Variants in MPP4 observed in about 807,000 individuals in gnomAD.
MPP4 encodes the protein MAGUK p55 scaffold protein 4, also known as MAGUK p55 subfamily member 4.
Under a neutral mutation model 98.3 loss-of-function variants are expected in MPP4, and 91 were observed. The ratio of observed to expected loss-of-function variants is 0.93; its 90% confidence interval spans 0.78 to 1.10. MPP4 has a LOEUF of 1.10. MPP4 is among the 50% of genes least tolerant of loss of function. The probability of loss-of-function intolerance (pLI) is 0.00; values close to 1 mark genes in which losing one functional copy is unlikely to be tolerated. For missense variants in MPP4, 744 were observed against 792.9 expected (o/e 0.94, Z 0.74); for synonymous variants, 261 against 271.8 (o/e 0.96, Z 0.39).
intron 16 of MPP4, among the ~76,000 whole-genome samples, chr2:201,657,969 G>GTTTTTT (rs1234609914): frequency 7.7e-6 from 1 of 130,130 alleles, no homozygotes; most frequent in African/African-American, 2.8e-5. Flanking sequence ...TTTTTTTTTT[G>GTTTTTT]TTTTTTTTTT....
intron 21 of MPP4, chr2:201,646,674 GAAAATA>G (rs1272453781): frequency 2.0e-5 from 3 of 152,126 alleles, no homozygotes; most frequent in Non-Finnish European, 4.4e-5. Context: ...CAAAAAATAT[GAAAATA>G]AAAATAATAA....
intron 10 of MPP4, among the ~76,000 whole-genome samples, chr2:201,678,422 T>C (rs1262535142): frequency 1.3e-5 from 2 of 152,136 alleles, no homozygotes; most frequent in African/African-American, 2.4e-5. Context: ...CTCAGCCTCT[T>C]CTTTGAGCCC....
intron 18 of MPP4, chr2:201,651,916 G>T: frequency 3.2e-6 from 2 of 625,710 alleles, no homozygotes; most frequent in Non-Finnish European, 4.0e-6. Context: ...TAACACCACG[G>T]CACTCCAGCC....
At position 201,649,669 on chromosome 2, in the gene MPP4, A is replaced by G. The variant is rs780544085; in HGVS notation, c.1491T>C (p.Gly497=). ...TGCCATACAGGTGGCCTTTGTACTC[A>G]CCATACTCCAGCATCCTGCAAGAGC... is the stretch of plus-strand genomic sequence containing the variant. The part of the protein sequence containing the change: ...LIYSHRMLEY[G]EYKGHLYGTS... Residue 497 remains glycine (G), a synonymous_variant, in exon 20 of 22, where the codon GGT becomes GGC. Coordinates refer to ENST00000409474, the MANE Select transcript of MPP4 (RefSeq NM_033066.3). 1.2e-6 allele frequency: 2 copies of G among 1,609,602 alleles called. No individual in the cohort carries two copies. The highest frequency in any genetic ancestry group is 1.1e-5 in the South Asian group (1 of 89,702).
intron 20 of MPP4, 79 bp downstream of exon 20, chr2:201,649,497 A>C: frequency 3.9e-6 from 4 of 1,015,370 alleles, no homozygotes; most frequent in Non-Finnish European, 6.0e-6. Flanking sequence ...TGTCTCAACT[A>C]TAACCTACAG....
At chr2:201,648,009 C>T (rs983014436) in intron 20 of MPP4, among the ~76,000 whole-genome samples, 184 bp from the exon 21 acceptor site, 9 of 152,124 alleles carry the variant, frequency 5.9e-5, no homozygotes, top group Non-Finnish European at 1.2e-4. Flanking sequence ...GCATGTGCCA[C>T]CATGCCCAGC....
At chr2:201,661,059 T>C (rs1688011649) in intron 14 of MPP4, among the ~76,000 whole-genome samples, 1 of 152,050 alleles carries the variant, frequency 6.6e-6, no homozygotes. Context: ...TAGCTGGGAT[T>C]ATAGGCATGA....
chr2:201,674,642 A>G (rs1373700598), intron 11 of MPP4, among the ~76,000 whole-genome samples: 1 of 152,168 alleles, frequency 6.6e-6, no homozygotes, highest in Admixed American at 6.5e-5. Flanking sequence ...TTTGAGAGAC[A>G]TTTTATTTAT....
intron 1 of MPP4, among the ~76,000 whole-genome samples, chr2:201,697,021 G>A (rs2105954636): frequency 6.6e-6 from 1 of 152,274 alleles, no homozygotes; most frequent in East Asian, 1.9e-4. Flanking sequence ...GCCTTTGGGA[G>A]GTAACTGGGT....
chr2:201,655,128 C>A (rs768272003), intron 17 of MPP4, among the ~76,000 whole-genome samples: 7 of 152,206 alleles, frequency 4.6e-5, no homozygotes, highest in Non-Finnish European at 8.8e-5. Flanking sequence ...ATTGTTTCAA[C>A]ATTCAGGAAT....
In MPP4 at chr2:201,658,482, A is replaced by C; in HGVS notation, c.1124T>G (p.Phe375Cys). The change falls in exon 16 of 22, where the codon TTT (phenylalanine) becomes TGT (cysteine). Residue 375 changes from phenylalanine to cysteine, a missense_variant. Phe to Cys is a radical substitution (Grantham distance 205, BLOSUM62 -2). Transcript: ENST00000409474. ...EEFVGYGQKFFIAGFRRSMRL... is the reference protein window; with the variant it reads ...EEFVGYGQKFCIAGFRRSMRL... ...CTTGTTAATTTATCACCTACCTATA[A>C]AGAACTTCTGACCGTAGCCAACAAA... 5 of 1,613,020 alleles carry C rather than the reference A, an allele frequency of 3.1e-6. No individual in the cohort carries two copies. Among genetic ancestry groups the C allele is most frequent in the Non-Finnish European group, 4.2e-6 (5 of 1,179,478 alleles).
chr2:201,649,730 ATAT>A (rs764716250), intron 19 of MPP4, 46 bp from the exon 20 acceptor site: 4 of 1,296,466 alleles, frequency 3.1e-6, no homozygotes, highest in African/African-American at 1.5e-5. Context: ...TACAAGGAAA[ATAT>A]TATTAGTAGT....
Position 201,693,863 on chromosome 2 carries a change from T to C in MPP4, c.79+13A>G. ...ACTTTCTGGTCTAGAAAAGGAGTCC[T>C]GGTGACACATACCATTCTGTGGATT... On this transcript the variant is annotated intron_variant, in intron 2 of 21. Coordinates refer to ENST00000409474, the MANE Select transcript of MPP4 (RefSeq NM_033066.3). The C allele has an allele frequency of 1.2e-6, 2 of 1,613,978 alleles. No homozygotes were observed. Among genetic ancestry groups the C allele is most frequent in the South Asian group, 2.2e-5 (2 of 91,080 alleles).
rs114454803 is a variant in MPP4 at position 201,658,374 on chromosome 2, C to T, written c.1129+103G>A. The T allele has an allele frequency of 1.2e-3, 1,064 of 916,098 alleles. 8 individuals are homozygous for T. The African/African-American group carries it at 0.016, about 13-fold the overall frequency. 56.7% of individuals were successfully genotyped at this position (916,098 alleles called of 1,614,324 possible). On this transcript the variant is annotated intron_variant, in intron 16 of 21. Transcript: ENST00000409474. ...AAGGAAACTAGAATGAGGAACAGGTCTGGAAATGTTCATTAGCAAAAGAAA... is the reference window on the plus strand; with the variant it reads ...AAGGAAACTAGAATGAGGAACAGGTTTGGAAATGTTCATTAGCAAAAGAAA...
At chr2:201,687,432 C>T in intron 4 of MPP4, 61 bp from the exon 5 acceptor site, 3 of 1,276,760 alleles carry the variant, frequency 2.3e-6, no homozygotes, top group Non-Finnish European at 3.3e-6. Flanking sequence ...CCTACTTAAC[C>T]TCACCCAGGC....
chr2:201,681,408 C>G, intron 9 of MPP4, 88 bp downstream of exon 9: 2 of 1,141,894 alleles, frequency 1.8e-6, no homozygotes, highest in South Asian at 2.6e-5. Context: ...CAACACAGTA[C>G]AAAGGATAGG....
intron 16 of MPP4, among the ~76,000 whole-genome samples, chr2:201,657,923 T>C (rs1056324815): frequency 6.6e-6 from 1 of 152,010 alleles, no homozygotes; most frequent in Non-Finnish European, 1.5e-5. Context: ...GGCTGAATGA[T>C]TCTGAAAGCA....
intron 17 of MPP4, 106 bp downstream of exon 17, chr2:201,656,092 G>T: frequency 8.2e-7 from 1 of 1,219,274 alleles, no homozygotes; most frequent in Admixed American, 3.0e-5. Context: ...TTTGTATGGG[G>T]GTCCATAAAG....
chr2:201,687,559 G>T (rs1688874981), intron 4 of MPP4, among the ~76,000 whole-genome samples, 188 bp from the exon 5 acceptor site: 1 of 152,054 alleles, frequency 6.6e-6, no homozygotes, highest in Non-Finnish European at 1.5e-5. Flanking sequence ...CATTAAAATT[G>T]CTACTTTAAT....
Sources: allele counts gnomAD v4.1 joint callset (sites outside exome capture counted in the v4.1 genomes callset), GRCh38; gene constraint gnomAD v4.1.1; transcripts MANE v1.5; gene names NCBI Gene and HGNC (gene_info 2026-07-23, HGNC 2026-07-21).